The following APOL3 variants were observed in gnomAD, a reference collection of about 807,000 sequenced individuals.
APOL3 encodes TNF-inducible protein CG12-1.
Under a neutral mutation model 11.6 loss-of-function variants are expected in APOL3, and 14 were observed. The ratio of observed to expected loss-of-function variants is 1.21; its 90% confidence interval spans 0.80 to 1.89. The LOEUF (loss-of-function observed/expected upper bound fraction) is 1.89. Among genes scored for constraint, APOL3 ranks in the 40% most tolerant of loss-of-function variants. The pLI, the probability that APOL3 is intolerant of heterozygous loss-of-function variation, is 0.00. For missense variants in APOL3, 483 were observed against 492.1 expected (o/e 0.98, Z 0.17); for synonymous variants, 192 against 190.6 (o/e 1.01, Z -0.06).
intron 1 of APOL3, among the ~76,000 whole-genome samples, chr22:36,156,249 TGTCA>T (rs2012801837): frequency 6.6e-6 from 1 of 152,150 alleles, no homozygotes; most frequent in Non-Finnish European, 1.5e-5. Flanking sequence ...TGCATCACTA[TGTCA>T]GTCAATCTTT....
chr22:36,144,569 T>C (rs132623), intron 2 of APOL3, among the ~76,000 whole-genome samples: 6 of 151,874 alleles, frequency 4.0e-5, no homozygotes, highest in African/African-American at 1.5e-4. Context: ...CTGTGTTCTG[T>C]GTCAGCAGGA....
At chr22:36,149,578 C>T (rs187948906) in intron 1 of APOL3, among the ~76,000 whole-genome samples, 48 of 152,280 alleles carry the variant, frequency 3.2e-4, no homozygotes, top group African/African-American at 1.1e-3. Context: ...GTGCCTCATT[C>T]GATGATCACA....
At chr22:36,147,434 TC>T (rs1831335615) in intron 1 of APOL3, among the ~76,000 whole-genome samples, 1 of 152,200 alleles carries the variant, frequency 6.6e-6, no homozygotes, top group Non-Finnish European at 1.5e-5. Flanking sequence ...TCATCTTGTT[TC>T]GGAGAGAGAG....
At chr22:36,146,068 AC>A (rs2060207476) in intron 1 of APOL3, 1 of 152,762 alleles carries the variant, frequency 6.5e-6, no homozygotes, top group South Asian at 2.1e-4. Flanking sequence ...ATGTGAGGAC[AC>A]AGCCCTGAGG....
intron 1 of APOL3, 149 bp downstream of exon 1, chr22:36,160,520 G>T: frequency 2.6e-6 from 2 of 773,256 alleles, no homozygotes; most frequent in Non-Finnish European, 2.1e-6. Context: ...AAACCTGGGT[G>T]CAAATTCAGG....
At chr22:36,147,858 AC>A (rs942954974) in intron 1 of APOL3, among the ~76,000 whole-genome samples, 7 of 152,072 alleles carry the variant, frequency 4.6e-5, no homozygotes, top group Non-Finnish European at 7.4e-5. Flanking sequence ...AAAGGCTGTA[AC>A]CCCCCTTAAA....
chr22:36,159,701 T>C (rs2013474051), intron 1 of APOL3: 1 of 152,140 alleles, frequency 6.6e-6, no homozygotes, highest in South Asian at 2.1e-4. Flanking sequence ...ACCAGGTGAG[T>C]GTCAGGGACA....
chr22:36,149,874 C>A (rs115464041), intron 1 of APOL3: 3 of 456,268 alleles, frequency 6.6e-6, no homozygotes, highest in South Asian at 4.6e-5. Context: ...CACCCTTTGT[C>A]CCCCTTGCTT....
At chr22:36,145,664 T>C in intron 1 of APOL3, 65 bp from the exon 3 acceptor site, 1 of 1,587,124 alleles carries the variant, frequency 6.3e-7, no homozygotes, top group South Asian at 1.2e-5. Flanking sequence ...GCATTGAGAA[T>C]AAGGTGGTTC....
intron 1 of APOL3, chr22:36,149,681 G>A: frequency 2.7e-6 from 1 of 367,028 alleles, no homozygotes; most frequent in East Asian, 7.3e-5. Context: ...TCACAATAGG[G>A]GTAGAGCCAG....
Position 36,149,110 on chromosome 22 carries a change from C to A in APOL3, c.224-3511G>T, listed in dbSNP as rs557649124. On this transcript the variant is annotated intron_variant, in intron 1 of 2. Transcript: ENST00000349314. ...TTCCATGGAGCTCTCCAGTCACTGA[C>A]CTGACTGGAAGGGTTCGTTTTTTTT... is the stretch of plus-strand genomic sequence containing the variant. The A allele has an allele frequency of 2.9e-6, 4 of 1,368,062 alleles. No homozygotes were observed. In the South Asian group the frequency reaches 4.5e-5, roughly 15 times the overall value. 84.7% of individuals were successfully genotyped at this position (1,368,062 alleles called of 1,614,324 possible).
exon 3 of APOL3, chr22:36,141,833 G>T (rs537640724): frequency 6.8e-6 from 11 of 1,614,246 alleles, no homozygotes; most frequent in Non-Finnish European, 9.3e-6. Flanking sequence ...CGCCAGTGGA[G>T]CTGGACACCA....
intron 1 of APOL3, among the ~76,000 whole-genome samples, chr22:36,157,837 G>A (rs1016831790): frequency 1.3e-5 from 2 of 152,146 alleles, no homozygotes; most frequent in Admixed American, 6.5e-5. Flanking sequence ...ATCACCTGAG[G>A]TCAGGAGTTC....
At chr22:36,147,170 A>G (rs2060250822) in intron 1 of APOL3, among the ~76,000 whole-genome samples, 1 of 152,196 alleles carries the variant, frequency 6.6e-6, no homozygotes, top group South Asian at 2.1e-4. Context: ...GATTTTAAAC[A>G]TTTTATTGAA....
intron 1 of APOL3, among the ~76,000 whole-genome samples, chr22:36,153,981 T>C (rs8136005): frequency 0.037 from 5,674 of 152,322 alleles, 340 homozygotes; most frequent in African/African-American, 0.13. Flanking sequence ...TGAGTTTGTC[T>C]AAAGACCGGA....
At chr22:36,149,789 T>C (rs751310535) in intron 1 of APOL3, 5 of 455,024 alleles carry the variant, frequency 1.1e-5, no homozygotes, top group South Asian at 7.8e-5. Flanking sequence ...TGTAAATGAC[T>C]CCTCATTCCA....
upstream of APOL3, among the ~76,000 whole-genome samples, chr22:36,164,004 C>T (rs916684422): frequency 6.6e-6 from 1 of 152,152 alleles, no homozygotes; most frequent in Non-Finnish European, 1.5e-5. Flanking sequence ...CAATTGCCTC[C>T]TCCTGAATGG....
chr22:36,165,421 A>G (rs1041499146), upstream of APOL3: 4 of 152,172 alleles, frequency 2.6e-5, no homozygotes, highest in Non-Finnish European at 5.9e-5. Context: ...CAATCAGGTA[A>G]AGTGCAAACC....
At chr22:36,144,332 C>T (rs2060108004) in intron 2 of APOL3, among the ~76,000 whole-genome samples, 1 of 152,184 alleles carries the variant, frequency 6.6e-6, no homozygotes, top group Non-Finnish European at 1.5e-5. Flanking sequence ...GGCTCTGCCC[C>T]TGAAACGTCT....
Sources: allele counts gnomAD v4.1 joint callset (sites outside exome capture counted in the v4.1 genomes callset), GRCh38; gene constraint gnomAD v4.1.1; transcripts MANE v1.5; gene names NCBI Gene and HGNC (gene_info 2026-07-23, HGNC 2026-07-21).